ANO3: variants seen among roughly 807,000 people sequenced by gnomAD.
The protein encoded by ANO3 is anoctamin 3.
ANO3 carries 99 observed loss-of-function variants against 144.8 expected under a neutral mutation model. That is an observed-to-expected ratio of 0.68 (90% confidence interval 0.58 to 0.81). ANO3 has a LOEUF of 0.81. ANO3 is among the 30% of genes least tolerant of loss of function. ANO3 has a pLI of 0.00. For synonymous variants in ANO3, 414 were observed against 392.6 expected, an observed-to-expected ratio of 1.05 and a Z score of -0.64; for missense variants, 905 against 1,202.2, an observed-to-expected ratio of 0.75 and a Z score of 3.66.
intron 1 of ANO3, among the ~76,000 whole-genome samples, chr11:26,340,766 G>A (rs772114960): frequency 3.9e-5 from 6 of 152,124 alleles, no homozygotes; most frequent in Non-Finnish European, 7.4e-5. Context: ...TTCATACAAT[G>A]GAAATGTAAC....
chr11:26,542,310 C>T (rs1199511949), intron 11 of ANO3, among the ~76,000 whole-genome samples: 1 of 152,020 alleles, frequency 6.6e-6, no homozygotes, highest in Non-Finnish European at 1.5e-5. Flanking sequence ...AAATTACTAA[C>T]ACCCCTTAAG....
chr11:26,586,089 A>T (rs1590590672), intron 14 of ANO3, among the ~76,000 whole-genome samples: 1 of 152,264 alleles, frequency 6.6e-6, no homozygotes, highest in Admixed American at 6.5e-5. Context: ...CCATCAGCAC[A>T]ACTGCTTATT....
chr11:26,221,751 G>C (rs548621308), intron 1 of ANO3, among the ~76,000 whole-genome samples: 151 of 152,194 alleles, frequency 9.9e-4, no homozygotes, highest in African/African-American at 3.5e-3. Flanking sequence ...GTGAGAGTGG[G>C]TGCAAGAGAG....
intron 14 of ANO3, among the ~76,000 whole-genome samples, chr11:26,583,009 TG>T (rs955170998): frequency 6.6e-6 from 1 of 152,212 alleles, no homozygotes; most frequent in African/African-American, 2.4e-5. Flanking sequence ...TTATCAAGTG[TG>T]GACACCTCCA....
chr11:26,204,298 C>A (rs1851754591), intron 1 of ANO3, among the ~76,000 whole-genome samples: 1 of 152,046 alleles, frequency 6.6e-6, no homozygotes, highest in Admixed American at 6.6e-5. Flanking sequence ...AGTTCATTTA[C>A]CTTTCTAAGT....
intron 1 of ANO3, among the ~76,000 whole-genome samples, chr11:26,349,817 G>T (rs1855592536): frequency 6.6e-6 from 1 of 152,130 alleles, no homozygotes; most frequent in Admixed American, 6.5e-5. Context: ...CAAAGTGCTG[G>T]GATTACAGGC....
chr11:26,504,999 G>A lies in ANO3; in HGVS notation c.433-3105G>A, dbSNP rs1356511822. On this transcript the variant is annotated intron_variant, in intron 4 of 26. Transcript: ENST00000256737. ...TGCACTCCAGCCTAGGCGACAGAGC[G>A]AGACTCCACCTCAAAAAAAAAAAAA... 5.0e-5 allele frequency among the ~76,000 whole-genome samples: 6 copies of A among 120,902 alleles called. 1 individual carries two copies. In the South Asian group the frequency reaches 1.4e-3, roughly 28 times the overall value. 79.3% of individuals were successfully genotyped at this position (120,902 alleles called of 152,430 possible).
At chr11:26,377,839 A>G (rs1856457508) in intron 1 of ANO3, among the ~76,000 whole-genome samples, 1 of 152,146 alleles carries the variant, frequency 6.6e-6, no homozygotes, top group South Asian at 2.1e-4. Context: ...AAGAGTAACA[A>G]TGGAAGCTAT....
chr11:26,305,628 A>G (rs534582881), upstream of ANO3, among the ~76,000 whole-genome samples: 22 of 152,316 alleles, frequency 1.4e-4, no homozygotes, highest in South Asian at 1.9e-3. Flanking sequence ...ATTCACTTTT[A>G]TGTTTCTAAA....
intron 1 of ANO3, among the ~76,000 whole-genome samples, chr11:26,312,543 G>C (rs1380725339): frequency 6.6e-6 from 1 of 152,176 alleles, no homozygotes; most frequent in African/African-American, 2.4e-5. Flanking sequence ...CATTCTAACT[G>C]GTGTGAGATG....
At chr11:26,383,594 A>C (rs1856644446) in intron 1 of ANO3, among the ~76,000 whole-genome samples, 1 of 152,192 alleles carries the variant, frequency 6.6e-6, no homozygotes, top group Non-Finnish European at 1.5e-5. Context: ...AAAAAGTCAG[A>C]TATTGTCTTT....
intron 7 of ANO3, 37 bp downstream of exon 7, chr11:26,525,716 T>A (rs750791750): frequency 6.4e-7 from 1 of 1,557,768 alleles, no homozygotes; most frequent in Non-Finnish European, 8.7e-7. Flanking sequence ...ATAACAAATT[T>A]GTCGTTTTGA....
At chr11:26,471,770 GA>G (rs986943438) in intron 4 of ANO3, among the ~76,000 whole-genome samples, 8 of 151,762 alleles carry the variant, frequency 5.3e-5, no homozygotes, top group South Asian at 2.1e-4. Context: ...ACTATAAGGG[GA>G]AAAAAATGTG....
At chr11:26,485,485 C>T (rs75840226) in intron 4 of ANO3, among the ~76,000 whole-genome samples, 8,084 of 152,102 alleles carry the variant, frequency 0.053, 409 homozygotes, top group African/African-American at 0.13. Flanking sequence ...TGAGGCCTCC[C>T]GAGCCACGCT....
At chr11:26,539,089 G>T (rs1390499910) in intron 10 of ANO3, among the ~76,000 whole-genome samples, 2 of 151,316 alleles carry the variant, frequency 1.3e-5, no homozygotes, top group African/African-American at 4.9e-5. Context: ...GAAATGTCTT[G>T]TGGAGTTTGG....
chr11:26,501,753 T>TG (rs1465229960), intron 4 of ANO3, among the ~76,000 whole-genome samples: 1 of 152,194 alleles, frequency 6.6e-6, no homozygotes, highest in African/African-American at 2.4e-5. Context: ...GTAAGTCGAA[T>TG]GGAAAACATC....
intron 4 of ANO3, among the ~76,000 whole-genome samples, chr11:26,470,460 A>T (rs1345687588): frequency 6.6e-6 from 1 of 151,620 alleles, no homozygotes; most frequent in Non-Finnish European, 1.5e-5. Context: ...TAGCCCAAAT[A>T]ATTCTGTTTA....
At chr11:26,569,168 A>T (rs1850719626) in intron 14 of ANO3, among the ~76,000 whole-genome samples, 1 of 152,052 alleles carries the variant, frequency 6.6e-6, no homozygotes, top group Non-Finnish European at 1.5e-5. Context: ...GTGACATTGA[A>T]CCACCAAGGG....
At chr11:26,517,411 G>C (rs1159872098) in intron 6 of ANO3, among the ~76,000 whole-genome samples, 1 of 152,010 alleles carries the variant, frequency 6.6e-6, no homozygotes, top group Non-Finnish European at 1.5e-5. Context: ...TAAGAGGACT[G>C]CTTCTTTCAA....
Sources: allele counts gnomAD v4.1 joint callset (sites outside exome capture counted in the v4.1 genomes callset), GRCh38; gene constraint gnomAD v4.1.1; transcripts MANE v1.5; gene names NCBI Gene and HGNC (gene_info 2026-07-23, HGNC 2026-07-21).